IQSEC3: variants seen among roughly 807,000 people sequenced by gnomAD.
IQSEC3 encodes IQ motif and SEC7 domain-containing protein 3.
A neutral mutation model predicts 105.4 loss-of-function variants in IQSEC3; 50 were observed. The observed-to-expected ratio is 0.47, with a 90% CI of 0.38 to 0.60. The LOEUF is 0.60. IQSEC3 is among the 20% of genes least tolerant of loss of function. IQSEC3 has a pLI of 0.00. For missense variants in IQSEC3, 1,415 were observed against 1,630.0 expected, an observed-to-expected ratio of 0.87 and a Z score of 2.27; for synonymous variants, 708 against 746.0, an observed-to-expected ratio of 0.95 and a Z score of 0.83.
intron 3 of IQSEC3, among the ~76,000 whole-genome samples, chr12:126,544 G>GGTGTGTGTGT (rs56871643): frequency 0.027 from 4,002 of 145,790 alleles, 78 homozygotes; most frequent in Non-Finnish European, 0.036. Context: ...CTTGATGGAA[G>GGTGTGTGTGT]GTGTGTGTGT....
intron 11 of IQSEC3, 21 bp downstream of exon 11, chr12:165,911 G>T (rs782212459): frequency 1.9e-5 from 30 of 1,606,848 alleles, no homozygotes; most frequent in Non-Finnish European, 2.5e-5. Flanking sequence ...GGGCTCCCGA[G>T]GCAGCTGGTG....
At chr12:74,533 G>T (rs1469654548) in intron 1 of IQSEC3, among the ~76,000 whole-genome samples, 3 of 152,286 alleles carry the variant, frequency 2.0e-5, no homozygotes, top group Non-Finnish European at 4.4e-5. Flanking sequence ...GGATCTGGGA[G>T]GGTTATGTAA....
chr12:133,338 C>T (rs992612605), intron 3 of IQSEC3, among the ~76,000 whole-genome samples: 5 of 152,188 alleles, frequency 3.3e-5, no homozygotes, highest in African/African-American at 1.2e-4. Flanking sequence ...AATCAGCACA[C>T]GTAGGGGTTT....
At chr12:163,715 G>A (rs1867034481) in intron 9 of IQSEC3, 96 bp downstream of exon 9, 2 of 782,782 alleles carry the variant, frequency 2.6e-6, no homozygotes, top group Non-Finnish European at 4.3e-6. Flanking sequence ...AGGAAAGGAC[G>A]CCCAGAGCTT....
At chr12:102,407 CCT>C (rs1367588367) in intron 2 of IQSEC3, among the ~76,000 whole-genome samples, 10 of 152,254 alleles carry the variant, frequency 6.6e-5, no homozygotes, top group Admixed American at 2.6e-4. Context: ...TGGCCATCCT[CCT>C]CTGCAGTCTG....
At chr12:135,211 G>T (rs1475276478) in intron 3 of IQSEC3, among the ~76,000 whole-genome samples, 1 of 152,198 alleles carries the variant, frequency 6.6e-6, no homozygotes, top group East Asian at 1.9e-4. Context: ...TGAGAGAAAA[G>T]GAGACATTTT....
chr12:174,846 A>T lies in IQSEC3; in HGVS notation c.3362A>T (p.Tyr1121Phe). 1 of 1,579,572 alleles carries T rather than the reference A, an allele frequency of 6.3e-7. No homozygotes were observed. The highest frequency in any genetic ancestry group is 8.5e-7 in the Non-Finnish European group (1 of 1,171,354). ...EPLLSQALSC[Y>F]TSSSSDSCGS... is the part of the protein sequence containing the mutation. ...CTGCTGAGCCAGGCTCTCTCCTGCTACACCTCGTCGTCCTCTGACTCCTGC... is the reference window on the plus strand; with the variant it reads ...CTGCTGAGCCAGGCTCTCTCCTGCTTCACCTCGTCGTCCTCTGACTCCTGC... Residue 1121 changes from tyrosine to phenylalanine, a missense_variant, in exon 14 of 14, where the codon TAC becomes TTC. Coordinates refer to ENST00000538872, the MANE Select transcript of IQSEC3 (RefSeq NM_001170738.2).
chr12:155,522 C>T (rs12306925), intron 5 of IQSEC3, among the ~76,000 whole-genome samples: 33,110 of 152,080 alleles, frequency 0.22, 4,843 homozygotes, highest in African/African-American at 0.41. Flanking sequence ...TCTCCTTGTT[C>T]TCCCCAGAAA....
chr12:117,973 G>A (rs782430506), intron 2 of IQSEC3, among the ~76,000 whole-genome samples: 3 of 152,174 alleles, frequency 2.0e-5, no homozygotes, highest in Admixed American at 6.5e-5. Flanking sequence ...ATGGAGCAGC[G>A]ACACAGCGGG....
chr12:144,830 C>T (rs1484129042), intron 5 of IQSEC3, among the ~76,000 whole-genome samples: 2 of 152,260 alleles, frequency 1.3e-5, no homozygotes, highest in East Asian at 3.8e-4. Flanking sequence ...TGTTTACCTG[C>T]AAAGGTTTCG....
chr12:97,315 T>C (rs782578130), intron 1 of IQSEC3, among the ~76,000 whole-genome samples: 1 of 152,346 alleles, frequency 6.6e-6, no homozygotes, highest in South Asian at 2.1e-4. Flanking sequence ...TTTTGACTTA[T>C]TAGGGTATTT....
intron 2 of IQSEC3, among the ~76,000 whole-genome samples, chr12:120,941 C>A (rs1234479239): frequency 6.6e-6 from 1 of 152,204 alleles, no homozygotes; most frequent in African/African-American, 2.4e-5. Context: ...ATCCTGTGAC[C>A]AGCATCGCTC....
At chr12:166,141 G>A (rs782807309) in intron 11 of IQSEC3, 3 of 481,526 alleles carry the variant, frequency 6.2e-6, no homozygotes, top group South Asian at 3.9e-5. Flanking sequence ...GTGGGGCTGC[G>A]CGTGGGCCTC....
chr12:101,541 G>A (rs954116297), intron 2 of IQSEC3, among the ~76,000 whole-genome samples: 3 of 152,166 alleles, frequency 2.0e-5, no homozygotes, highest in African/African-American at 7.2e-5. Flanking sequence ...GGTTCATGGA[G>A]GCGCCTATAC....
At chr12:79,961 A>G (rs1174948767) in intron 1 of IQSEC3, among the ~76,000 whole-genome samples, 1 of 152,162 alleles carries the variant, frequency 6.6e-6, no homozygotes. Flanking sequence ...CTAATAATGT[A>G]TCTTAGTGAT....
Position 109,088 on chromosome 12 carries a change from C to A in IQSEC3, c.623+9874C>A, listed in dbSNP as rs146644756. Among the ~76,000 whole-genome samples the A allele has an allele frequency of 6.1e-4, 93 of 152,380 alleles. 1 individual carries two copies. The East Asian group carries it at 0.018, about 29-fold the overall frequency. On this transcript the variant is annotated intron_variant, in intron 2 of 13. Coordinates refer to ENST00000538872, the MANE Select transcript of IQSEC3 (RefSeq NM_001170738.2). Reference sequence around the variant, plus strand: ...CTGGCGGACTTCTCCCCAGCACGCGCTCTCTCTACTTCAGGGATTGCAAAC... The same window carrying A: ...CTGGCGGACTTCTCCCCAGCACGCGATCTCTCTACTTCAGGGATTGCAAAC...
chr12:138,819 C>T lies in IQSEC3; in HGVS notation c.1456C>T (p.Arg486Trp), dbSNP rs1865887423. The T allele has an allele frequency of 1.9e-6, 3 of 1,610,582 alleles. No individual in the cohort carries two copies. The highest frequency in any genetic ancestry group is 2.5e-6 in the Non-Finnish European group (3 of 1,179,106). The change falls in exon 4 of 14, where the codon CGG becomes TGG. Residue 486 changes from arginine to tryptophan, a missense_variant. This residue lies in a region of IQSEC3 where 720 missense variants were observed against 633.0 expected (regional missense o/e 1.14). Coordinates refer to ENST00000538872, the MANE Select transcript of IQSEC3 (RefSeq NM_001170738.2). The surrounding 1 kb of genome is among the most constrained non-coding windows in gnomAD (Gnocchi z 7.1). ...AHSGTLMMAF[R>W]DVTVQIANQN... is the part of the protein sequence containing the mutation. ...CAGCGGGACCCTCATGATGGCTTTC[C>T]GGGACGTCACGGTGCAGATCGCCAA...
At chr12:172,470 C>A (rs528516359) in intron 13 of IQSEC3, among the ~76,000 whole-genome samples, 5 of 152,310 alleles carry the variant, frequency 3.3e-5, no homozygotes, top group African/African-American at 1.2e-4. Context: ...ACAACCAACC[C>A]CACGCACTCC....
At chr12:119,225 G>C (rs1865143226) in intron 2 of IQSEC3, among the ~76,000 whole-genome samples, 1 of 152,142 alleles carries the variant, frequency 6.6e-6, no homozygotes, top group African/African-American at 2.4e-5. Flanking sequence ...AAGATGACCA[G>C]GCTCTGAAAA....
Sources: gnomAD v4.1 joint callset for allele counts (sites outside exome capture counted in the v4.1 genomes callset) on GRCh38, gnomAD v4.1.1 for gene constraint, gnomAD v4.1.1 regional missense constraint, Gnocchi (gnomAD v3.1) non-coding constraint, MANE v1.5 for transcripts, NCBI Gene and HGNC (gene_info 2026-07-23, HGNC 2026-07-21) for gene names.